The following PCDHGA5 variants were observed in gnomAD, a reference collection of about 807,000 sequenced individuals.
PCDHGA5 encodes the protein protocadherin gamma-A5.
Under a neutral mutation model 56.7 loss-of-function variants are expected in PCDHGA5, and 36 were observed. The observed-to-expected ratio is 0.64, with a 90% CI of 0.49 to 0.84. The LOEUF is 0.84. Ranked by LOEUF, PCDHGA5 falls within the 40% of genes least tolerant of loss-of-function variation. The probability of loss-of-function intolerance (pLI) is 0.00; values close to 1 mark genes in which losing one functional copy is unlikely to be tolerated. For synonymous variants in PCDHGA5, 563 were observed against 520.2 expected (o/e 1.08, Z -1.12); for missense variants, 1,305 against 1,201.5 (o/e 1.09, Z -1.27).
Position 141,485,092 on chromosome 5 carries a change from G to C in PCDHGA5, c.2422-9715G>C, listed in dbSNP as rs2099606725. 3.8e-6 allele frequency: 4 copies of C among 1,065,492 alleles called. No homozygotes were observed. Among genetic ancestry groups the C allele is most frequent in the Non-Finnish European group, 5.6e-6 (4 of 708,358 alleles). The allele number at this position is 1,065,492 out of a possible 1,614,324, so 66.0% of individuals were successfully genotyped here. A position where few individuals can be genotyped will look rare whatever the true frequency, so the allele number is the denominator to read the frequency against. Reference sequence around the variant, plus strand: ...CTGGCGCGGGGAAAGGGAGATAGGTGTCTCCAGCTGCTGTGGCTGTTTGGG... The same window carrying C: ...CTGGCGCGGGGAAAGGGAGATAGGTCTCTCCAGCTGCTGTGGCTGTTTGGG... On this transcript the variant is annotated intron_variant, in intron 1 of 3. Coordinates refer to ENST00000518069, the MANE Select transcript of PCDHGA5 (RefSeq NM_018918.3). This position sits in a 1 kb window ranked among gnomAD's most constrained non-coding sequence, Gnocchi z 5.7.
At chr5:141,466,624 G>C (rs1279938026) in intron 1 of PCDHGA5, among the ~76,000 whole-genome samples, 1 of 152,038 alleles carries the variant, frequency 6.6e-6, no homozygotes, top group Non-Finnish European at 1.5e-5. Context: ...GTTTTCTTTG[G>C]AGCATTGTCT....
rs778172652 is a variant in PCDHGA5, at chr5:141,418,978, C to G, written c.2421+52227C>G. 4 of 1,613,790 alleles carry G rather than the reference C, an allele frequency of 2.5e-6. No individual in the cohort carries two copies. In the South Asian group the frequency reaches 4.4e-5, roughly 18 times the overall value. ...TTGTTGCCCTCTTCAAAACACGGGACCAAGACTCAGGGGAAAATGGGGAAG... is the reference window on the plus strand; with the variant it reads ...TTGTTGCCCTCTTCAAAACACGGGAGCAAGACTCAGGGGAAAATGGGGAAG... On this transcript the variant is annotated intron_variant, in intron 1 of 3. Coordinates refer to ENST00000518069, the MANE Select transcript of PCDHGA5 (RefSeq NM_018918.3).
At chr5:141,464,618 C>G (rs1425657373) in intron 1 of PCDHGA5, among the ~76,000 whole-genome samples, 2 of 152,092 alleles carry the variant, frequency 1.3e-5, no homozygotes, top group Non-Finnish European at 2.9e-5. Context: ...AGTATATTGT[C>G]AAGCTTTTTA....
chr5:141,453,214 A>T (rs1174586625), intron 1 of PCDHGA5, among the ~76,000 whole-genome samples: 2 of 152,058 alleles, frequency 1.3e-5, no homozygotes, highest in African/African-American at 4.8e-5. Flanking sequence ...CGTGCACTTA[A>T]GCGATCCTCC....
intron 1 of PCDHGA5, chr5:141,478,148 C>A: frequency 6.2e-7 from 1 of 1,614,066 alleles, no homozygotes; most frequent in Non-Finnish European, 8.5e-7. Flanking sequence ...AGCCGAGTTC[C>A]CCTCTGGCTC....
At chr5:141,367,450 T>C (rs1038206449) in intron 1 of PCDHGA5, 8 of 152,070 alleles carry the variant, frequency 5.3e-5, no homozygotes, top group African/African-American at 1.4e-4. Flanking sequence ...GGCAGGAGAA[T>C]GGGGTGAACC....
At chr5:141,382,968 CT>C (rs774014579) in intron 1 of PCDHGA5, 26 of 1,609,208 alleles carry the variant, frequency 1.6e-5, no homozygotes, top group Admixed American at 8.4e-5. Context: ...TGGGGACCCC[CT>C]GGGAAGCCTG....
In PCDHGA5 at chr5:141,443,822, A is replaced by G. The variant is rs183934410; in HGVS notation, c.2422-50985A>G. ...GAAACAGTTACCTTTGGAAAACATAATTAGGTAAAATGGGTAATATGGAAA... is the reference window on the plus strand; with the variant it reads ...GAAACAGTTACCTTTGGAAAACATAGTTAGGTAAAATGGGTAATATGGAAA... On this transcript the variant is annotated intron_variant, in intron 1 of 3. Coordinates refer to ENST00000518069, the MANE Select transcript of PCDHGA5 (RefSeq NM_018918.3). Among the ~76,000 whole-genome samples, 330 of 152,316 alleles carry G rather than the reference A, an allele frequency of 2.2e-3. 2 individuals carry two copies. Among genetic ancestry groups the G allele is most frequent in the Non-Finnish European group, 4.1e-3 (279 of 68,018 alleles).
At chr5:141,409,964 G>A (rs1042730924) in intron 1 of PCDHGA5, 5 of 1,613,300 alleles carry the variant, frequency 3.1e-6, no homozygotes, top group East Asian at 2.2e-5. Flanking sequence ...CGGCTACCTA[G>A]TGACTAAGGT....
chr5:141,420,910 G>T, intron 1 of PCDHGA5: 1 of 311,900 alleles, frequency 3.2e-6, no homozygotes, highest in South Asian at 7.0e-5. Context: ...ACAAATACGT[G>T]TGATTCACAA....
chr5:141,439,458 C>T (rs2098114160), intron 1 of PCDHGA5, among the ~76,000 whole-genome samples: 1 of 152,214 alleles, frequency 6.6e-6, no homozygotes, highest in East Asian at 1.9e-4. Flanking sequence ...AGCAAGACTG[C>T]ACTGCTGCCT....
chr5:141,393,520 A>G, intron 1 of PCDHGA5: 2 of 1,614,038 alleles, frequency 1.2e-6, no homozygotes, highest in Non-Finnish European at 1.7e-6. Context: ...TTGGATACAA[A>G]TGACAATGCC....
chr5:141,410,036 A>G, intron 1 of PCDHGA5: 1 of 1,613,240 alleles, frequency 6.2e-7, no homozygotes, highest in Non-Finnish European at 8.5e-7. Flanking sequence ...GCTGCAGGCC[A>G]GTGAGCCCGG....
intron 1 of PCDHGA5, 124 bp from the exon 2 acceptor site, chr5:141,494,683 C>G: frequency 6.4e-7 from 1 of 1,569,074 alleles, no homozygotes; most frequent in Non-Finnish European, 8.7e-7. Context: ...CCCCTGCCCC[C>G]TCTTAGTCCG....
chr5:141,423,132 C>T (rs375287728), intron 1 of PCDHGA5: 41 of 1,613,540 alleles, frequency 2.5e-5, no homozygotes, highest in Non-Finnish European at 3.3e-5. Flanking sequence ...CACTGCTGGA[C>T]AGAGACGCGC....
Position 141,405,325 on chromosome 5 carries a change from G to C in PCDHGA5, c.2421+38574G>C, listed in dbSNP as rs17097274. ...AGAGCTGTGAGAAAAATGAGCCTTT[G>C]TGCGTCTCTGTTGATTCCAAGTTTC... On this transcript the variant is annotated intron_variant, in intron 1 of 3. Transcript: ENST00000518069. The C allele has an allele frequency of 9.4e-4, 1,513 of 1,614,170 alleles. 9 individuals are homozygous for C. The African/African-American group carries it at 0.016, about 17-fold the overall frequency.
chr5:141,384,491 G>A (rs1370590293), intron 1 of PCDHGA5: 7 of 1,614,160 alleles, frequency 4.3e-6, no homozygotes, highest in East Asian at 4.5e-5. Flanking sequence ...CTACAACTAA[G>A]AGTGACTGCA....
In PCDHGA5 at chr5:141,512,809, A is replaced by C. The variant is rs2099884438; in HGVS notation, c.*1636A>C. ...GTGTTTTGTGCTGTGTCCACGCGCT[A>C]AGGCGACCCCCTCCCCCGTACTGAC... On this transcript the variant is annotated 3_prime_UTR_variant, in exon 4 of 4. Coordinates refer to ENST00000518069, the MANE Select transcript of PCDHGA5 (RefSeq NM_018918.3). 6.6e-6 allele frequency: 1 copy of C among 152,130 alleles called. No homozygotes were observed. The highest frequency in any genetic ancestry group is 2.4e-5 in the African/African-American group (1 of 41,404). The allele number at this position is 152,130 out of a possible 1,614,324, so 9.4% of individuals were successfully genotyped here. A position where few individuals can be genotyped will look rare whatever the true frequency, so the allele number is the denominator to read the frequency against.
intron 1 of PCDHGA5, chr5:141,389,862 C>CGTGG (rs2091951757): frequency 6.2e-7 from 1 of 1,613,964 alleles, no homozygotes; most frequent in Non-Finnish European, 8.5e-7. Flanking sequence ...CACGTTGCAC[C>CGTGG]TGGTCTTCGC....
Sources: allele counts gnomAD v4.1 joint callset (sites outside exome capture counted in the v4.1 genomes callset), GRCh38; gene constraint gnomAD v4.1.1; non-coding constraint Gnocchi (gnomAD v3.1); transcripts MANE v1.5; gene names NCBI Gene and HGNC (gene_info 2026-07-23, HGNC 2026-07-21).